PRKDC: variants seen among roughly 807,000 people sequenced by gnomAD.
PRKDC encodes the protein DNA-dependent protein kinase catalytic subunit.
Under a neutral mutation model 486.9 loss-of-function variants are expected in PRKDC, and 82 were observed. That is an observed-to-expected ratio of 0.17 (90% CI 0.14 to 0.20). PRKDC has a LOEUF of 0.20. PRKDC is among the 10% of genes least tolerant of loss of function. PRKDC has a pLI of 1.00. For missense variants in PRKDC, 4,504 were observed against 5,038.2 expected (o/e 0.89, Z 3.21); for synonymous variants, 1,895 against 1,837.0 (o/e 1.03, Z -0.81).
rs554808000 is a variant in PRKDC, at chr8:47,895,900, G to T, written c.3598+1261C>A. Among the ~76,000 whole-genome samples the T allele has an allele frequency of 2.6e-5, 4 of 152,184 alleles. No homozygotes were observed. In the South Asian group the frequency reaches 8.3e-4, roughly 32 times the overall value. On this transcript the variant is annotated intron_variant, in intron 30 of 85. Coordinates refer to ENST00000314191, the MANE Select transcript of PRKDC (RefSeq NM_006904.7). ...CTAAAAACACAAAAATTAGCCGGGC[G>T]TGGTAGCACACGCCTGTAATCCCAG... is the stretch of plus-strand genomic sequence containing the variant.
At chr8:47,882,556 G>A (rs1400504900) in intron 36 of PRKDC, among the ~76,000 whole-genome samples, 1 of 151,022 alleles carries the variant, frequency 6.6e-6, no homozygotes, top group African/African-American at 2.4e-5. Flanking sequence ...CATACTTCCG[G>A]TCCCACCACC....
rs771715197 is a variant in PRKDC at position 47,794,487 on chromosome 8, G to A, written c.10473C>T (p.Pro3491=). The change falls in exon 74 of 86, where the codon CCC becomes CCT. Residue 3491 remains proline (P), a synonymous_variant. Coordinates refer to ENST00000314191, the MANE Select transcript of PRKDC (RefSeq NM_006904.7). ...TGATCCAGCTGATGAACTGCCAGCA[G>A]GGAACGGAAGAGATCTAAAACAGAG... is the stretch of plus-strand genomic sequence containing the variant. The part of the protein sequence containing the change: ...SLMTKEISSV[P]CWQFISWISH... The A allele has an allele frequency of 3.1e-6, 5 of 1,609,986 alleles. No homozygotes were observed. Among genetic ancestry groups the A allele is most frequent in the Non-Finnish European group, 4.2e-6 (5 of 1,176,566 alleles).
chr8:47,894,154 G>C (rs980474322), intron 30 of PRKDC, among the ~76,000 whole-genome samples: 14 of 152,008 alleles, frequency 9.2e-5, no homozygotes, highest in African/African-American at 3.4e-4. Flanking sequence ...GGTGGTGCGC[G>C]CCTGTGGTCT....
chr8:47,893,401 C>T lies in PRKDC; in HGVS notation c.3599-14G>A, dbSNP rs1463152947. The T allele has an allele frequency of 1.3e-6, 2 of 1,485,826 alleles. No individual in the cohort carries two copies. Among genetic ancestry groups the T allele is most frequent in the African/African-American group, 2.8e-5 (2 of 71,136 alleles). 92.0% of individuals were successfully genotyped at this position (1,485,826 alleles called of 1,614,324 possible). The stretch of plus-strand genomic sequence containing the variant: ...GGGATCTGTTGCCTTTAAAAAGAAA[C>T]AAAATTAAAATGCACACATATACCT... On this transcript the variant is annotated splice_polypyrimidine_tract_variant and intron_variant, in intron 30 of 85. Coordinates refer to ENST00000314191, the MANE Select transcript of PRKDC (RefSeq NM_006904.7).
At chr8:47,804,293 C>T (rs143086861) in intron 69 of PRKDC, among the ~76,000 whole-genome samples, 2 of 150,876 alleles carry the variant, frequency 1.3e-5, no homozygotes, top group African/African-American at 4.8e-5. Flanking sequence ...CACGGACATG[C>T]CACTTTTTTT....
rs553553310 is a variant in PRKDC, at chr8:47,898,585, G to C, written c.3365-16C>G. The C allele has an allele frequency of 1.5e-6, 2 of 1,328,528 alleles. No homozygotes were observed. Among genetic ancestry groups the C allele is most frequent in the South Asian group, 2.3e-5 (1 of 43,430 alleles). The allele number at this position is 1,328,528 out of a possible 1,614,324, so 82.3% of individuals were successfully genotyped here. On this transcript the variant is annotated splice_polypyrimidine_tract_variant and intron_variant, in intron 28 of 85. Transcript: ENST00000314191. Reference sequence around the variant, plus strand: ...TGAATTGTACCTGTTCTCAAGTACAGAGACATATTTCCAAAGAAGGCATAT... The same window carrying C: ...TGAATTGTACCTGTTCTCAAGTACACAGACATATTTCCAAAGAAGGCATAT...
rs1480674989 is a variant in PRKDC, at chr8:47,852,689, A to G, written c.6989T>C (p.Val2330Ala). 1 of 1,570,260 alleles carries G rather than the reference A, an allele frequency of 6.4e-7. No individual in the cohort carries two copies. The highest frequency in any genetic ancestry group is 8.7e-7 in the Non-Finnish European group (1 of 1,155,464). The change falls in exon 52 of 86, where the codon GTT (valine) becomes GCT (alanine). Residue 2330 changes from valine (V) to alanine (A), a missense_variant. By Grantham distance (64) the Val-to-Ala change is moderately conservative. Transcript: ENST00000314191. ...AEVLGLILRYVMERKNILEES... is the reference protein window; with the variant it reads ...AEVLGLILRYAMERKNILEES... ...CACACTCACGTTTTTTCTCTCCATA[A>G]CATATCGAAGTATAAGTCCTAGAAC...
At chr8:47,948,155 T>A (rs1261050550) in intron 7 of PRKDC, among the ~76,000 whole-genome samples, 5 of 151,402 alleles carry the variant, frequency 3.3e-5, no homozygotes, top group Admixed American at 2.0e-4. Flanking sequence ...TATATAAAAA[T>A]TTTTTTTGAG....
At chr8:47,774,641 T>C (rs1446095379) in intron 85 of PRKDC, among the ~76,000 whole-genome samples, 4 of 152,130 alleles carry the variant, frequency 2.6e-5, no homozygotes, top group African/African-American at 2.4e-5. Context: ...ATGGGTCCAA[T>C]GGTAACTCTA....
At chr8:47,797,163 C>T (rs2087000553) in intron 73 of PRKDC, among the ~76,000 whole-genome samples, 1 of 152,182 alleles carries the variant, frequency 6.6e-6, no homozygotes, top group South Asian at 2.1e-4. Context: ...GTCCACACAG[C>T]TCATGTAAGC....
At chr8:47,803,568 GAC>G in intron 69 of PRKDC, 88 bp from the exon 70 acceptor site, 1 of 1,195,882 alleles carries the variant, frequency 8.4e-7, no homozygotes, top group Admixed American at 1.7e-5. Context: ...CCCTTTGCAC[GAC>G]ACAATCCACC....
intron 48 of PRKDC, among the ~76,000 whole-genome samples, chr8:47,857,739 G>A (rs1563770076): frequency 6.6e-6 from 1 of 152,140 alleles, no homozygotes; most frequent in Non-Finnish European, 1.5e-5. Context: ...AGTGAGCCCC[G>A]AGGAAAGAAG....
chr8:47,787,796 G>A (rs2086815582), intron 76 of PRKDC, among the ~76,000 whole-genome samples: 1 of 152,166 alleles, frequency 6.6e-6, no homozygotes, highest in African/African-American at 2.4e-5. Flanking sequence ...TAGGCTGGAG[G>A]CTATGTGGAG....
chr8:47,886,675 A>G (rs2089339553), intron 35 of PRKDC, among the ~76,000 whole-genome samples: 2 of 149,958 alleles, frequency 1.3e-5, no homozygotes, highest in Non-Finnish European at 3.0e-5. Flanking sequence ...TACAGGCAAT[A>G]AGTCACCCTG....
intron 9 of PRKDC, 117 bp from the exon 10 acceptor site, chr8:47,943,483 T>G: frequency 9.4e-7 from 1 of 1,067,532 alleles, no homozygotes; most frequent in African/African-American, 1.6e-5. Flanking sequence ...TCTAGTACCA[T>G]TACACTACAG....
In PRKDC at chr8:47,785,031, C is replaced by G. The variant is rs62539156; in HGVS notation, c.11107+82G>C. The G allele has an allele frequency of 5.0e-3, 6,566 of 1,309,008 alleles. 24 individuals carry two copies. Among genetic ancestry groups the G allele is most frequent in the East Asian group, 0.017 (750 of 43,382 alleles). 81.1% of individuals were successfully genotyped at this position (1,309,008 alleles called of 1,614,324 possible). A position where few individuals can be genotyped will look rare whatever the true frequency, so the allele number is the denominator to read the frequency against. On this transcript the variant is annotated intron_variant, in intron 77 of 85. Coordinates refer to ENST00000314191, the MANE Select transcript of PRKDC (RefSeq NM_006904.7). The stretch of plus-strand genomic sequence containing the variant: ...GAAATAACTGTCAATATCCCAGTAT[C>G]ACTATTCCAGAAACCACGAGTTCTT...
intron 49 of PRKDC, among the ~76,000 whole-genome samples, chr8:47,855,689 G>A (rs531403805): frequency 3.3e-5 from 5 of 152,326 alleles, no homozygotes; most frequent in African/African-American, 4.8e-5. Context: ...GACAGGGGTC[G>A]CCTGCAGGGC....
chr8:47,958,210 G>A (rs2090742264), intron 1 of PRKDC, among the ~76,000 whole-genome samples: 1 of 152,146 alleles, frequency 6.6e-6, no homozygotes, highest in Non-Finnish European at 1.5e-5. Flanking sequence ...TGCTGTTGCT[G>A]GCCTTGAAGA....
chr8:47,784,768 T>G (rs1466082404), intron 77 of PRKDC, among the ~76,000 whole-genome samples: 2 of 152,126 alleles, frequency 1.3e-5, no homozygotes, highest in Non-Finnish European at 2.9e-5. Context: ...GGAAGTAATC[T>G]GCCTCTATAC....
Sources: allele counts gnomAD v4.1 joint callset (sites outside exome capture counted in the v4.1 genomes callset), GRCh38; gene constraint gnomAD v4.1.1; transcripts MANE v1.5; gene names NCBI Gene and HGNC (gene_info 2026-07-23, HGNC 2026-07-21).